CCDC171: variants seen among roughly 807,000 people sequenced by gnomAD.
CCDC171 encodes coiled-coil domain containing 171, also known as coiled-coil domain-containing protein 171.
Under a neutral mutation model 168.2 loss-of-function variants are expected in CCDC171, and 177 were observed. The ratio of observed to expected loss-of-function variants is 1.05; its 90% CI spans 0.93 to 1.19. CCDC171 has a LOEUF of 1.19. Among genes scored for constraint, CCDC171 ranks in the 50% most tolerant of loss-of-function variants. The pLI is 0.00. For synonymous variants in CCDC171, 687 were observed against 540.8 expected, an observed-to-expected ratio of 1.27 and a Z score of -3.75; for missense variants, 1,991 against 1,539.0, an observed-to-expected ratio of 1.29 and a Z score of -4.91.
chr9:15,814,084 G>A (rs1481171344), intron 21 of CCDC171, among the ~76,000 whole-genome samples: 1 of 152,176 alleles, frequency 6.6e-6, no homozygotes. Context: ...CCTTTGGAAA[G>A]GGATAATTTT....
chr9:15,648,955 A>G (rs944029898), intron 7 of CCDC171, among the ~76,000 whole-genome samples: 21 of 152,230 alleles, frequency 1.4e-4, no homozygotes, highest in African/African-American at 5.1e-4. Context: ...TCCTAAGCCG[A>G]AAGAACAAAG....
chr9:15,594,996 T>C (rs2042238749), intron 6 of CCDC171, among the ~76,000 whole-genome samples: 3 of 152,172 alleles, frequency 2.0e-5, no homozygotes, highest in Non-Finnish European at 1.5e-5. Context: ...GAATGACAAA[T>C]TGAAATAACC....
intron 2 of CCDC171, among the ~76,000 whole-genome samples, chr9:15,569,484 A>AT (rs1312720976): frequency 6.6e-6 from 1 of 152,102 alleles, no homozygotes; most frequent in African/African-American, 2.4e-5. Context: ...CTTTTTTTAG[A>AT]TTTTGAACTT....
At chr9:15,994,114 T>C (rs531714854) in intron 3 of CCDC171, among the ~76,000 whole-genome samples, 9 of 152,172 alleles carry the variant, frequency 5.9e-5, no homozygotes, top group African/African-American at 2.2e-4. Flanking sequence ...TTATAAAACA[T>C]GCTCTATAAA....
chr9:16,015,257 C>T (rs1283368412), intron 3 of CCDC171, among the ~76,000 whole-genome samples: 3 of 152,186 alleles, frequency 2.0e-5, no homozygotes, highest in Admixed American at 6.6e-5. Flanking sequence ...TCTTAAACCT[C>T]ATGAACCAGT....
intron 10 of CCDC171, among the ~76,000 whole-genome samples, chr9:15,682,665 T>C (rs2050118606): frequency 1.3e-5 from 2 of 152,024 alleles, no homozygotes; most frequent in South Asian, 2.1e-4. Context: ...AAATTAATGG[T>C]ATATAATTAT....
chr9:15,937,320 A>G (rs533199034), intron 25 of CCDC171, among the ~76,000 whole-genome samples: 2 of 152,188 alleles, frequency 1.3e-5, no homozygotes, highest in South Asian at 4.1e-4. Context: ...TTGGAAGGAA[A>G]TGAACCTCAT....
intron 18 of CCDC171, among the ~76,000 whole-genome samples, chr9:15,767,146 T>C (rs2056766896): frequency 6.6e-6 from 1 of 152,216 alleles, no homozygotes; most frequent in African/African-American, 2.4e-5. Context: ...TAACAAATTG[T>C]CACAATCTGT....
intron 6 of CCDC171, among the ~76,000 whole-genome samples, chr9:16,025,070 C>A (rs1370048407): frequency 1.3e-5 from 2 of 152,204 alleles, no homozygotes; most frequent in African/African-American, 4.8e-5. Flanking sequence ...GTAAGTTAAA[C>A]GTAGAATAAC....
chr9:16,007,784 G>A (rs987088200), intron 3 of CCDC171, among the ~76,000 whole-genome samples: 1 of 152,122 alleles, frequency 6.6e-6, no homozygotes, highest in East Asian at 1.9e-4. Context: ...CTGTTCCATT[G>A]GTCTATGTCT....
intron 2 of CCDC171, among the ~76,000 whole-genome samples, chr9:15,569,449 A>C (rs2131026733): frequency 6.6e-6 from 1 of 152,378 alleles, no homozygotes; most frequent in African/African-American, 2.4e-5. Context: ...TTAATGTTAT[A>C]AATTTATTGT....
chr9:16,028,621 T>C (rs1205695814), intron 6 of CCDC171, among the ~76,000 whole-genome samples: 1 of 152,170 alleles, frequency 6.6e-6, no homozygotes, highest in African/African-American at 2.4e-5. Context: ...CTGGCAGCTC[T>C]AGCTCCTGGC....
At chr9:15,682,286 T>C (rs889663217) in intron 10 of CCDC171, among the ~76,000 whole-genome samples, 7 of 151,998 alleles carry the variant, frequency 4.6e-5, no homozygotes, top group African/African-American at 1.7e-4. Flanking sequence ...TTAGAGATCA[T>C]CTAGCCCAGG....
chr9:15,602,736 A>C (rs559128016), intron 6 of CCDC171, among the ~76,000 whole-genome samples: 1 of 145,906 alleles, frequency 6.9e-6, no homozygotes. Context: ...GCTCACTGCA[A>C]CCTCTCCGCC....
downstream of CCDC171, among the ~76,000 whole-genome samples, chr9:16,065,582 G>T (rs1833982043): frequency 6.6e-6 from 1 of 152,178 alleles, no homozygotes; most frequent in African/African-American, 2.4e-5. Flanking sequence ...CCACAACCAT[G>T]TGAGCACCAC....
rs762934208 is a variant in CCDC171 at position 15,729,600 on chromosome 9, C to T, written c.1861-10C>T. On this transcript the variant is annotated splice_polypyrimidine_tract_variant and intron_variant, in intron 15 of 25. Coordinates refer to ENST00000380701, the MANE Select transcript of CCDC171 (RefSeq NM_173550.4). ...GCATATTTCCTTCTCTGTTGCATCT[C>T]CCCGTATAGATAAGGCATCTAGAGT... is the stretch of plus-strand genomic sequence containing the variant. 6.3e-7 allele frequency: 1 copy of T among 1,588,484 alleles called. No homozygotes were observed. The highest frequency in any genetic ancestry group is 8.6e-7 in the Non-Finnish European group (1 of 1,163,194).
intron 11 of CCDC171, among the ~76,000 whole-genome samples, chr9:15,719,865 A>G (rs941638320): frequency 1.3e-5 from 2 of 151,654 alleles, no homozygotes. Flanking sequence ...GAAAAGAATT[A>G]TACATTACTT....
chr9:15,951,932 C>A (rs574666883), intron 25 of CCDC171, among the ~76,000 whole-genome samples: 3 of 152,052 alleles, frequency 2.0e-5, no homozygotes, highest in African/African-American at 4.8e-5. Context: ...TTCCACAAAT[C>A]TTTGCCAAAT....
At chr9:16,025,427 C>G (rs953813465) in intron 6 of CCDC171, among the ~76,000 whole-genome samples, 1 of 152,116 alleles carries the variant, frequency 6.6e-6, no homozygotes, top group South Asian at 2.1e-4. Flanking sequence ...GCACTGCAGC[C>G]TAGCCTGGGT....
Sources: gnomAD v4.1 joint callset for allele counts (sites outside exome capture counted in the v4.1 genomes callset) on GRCh38, gnomAD v4.1.1 for gene constraint, MANE v1.5 for transcripts, NCBI Gene and HGNC (gene_info 2026-07-23, HGNC 2026-07-21) for gene names.